CREB5: variants seen among roughly 807,000 people sequenced by gnomAD.
CREB5 encodes the protein cAMP responsive element binding protein 5.
A neutral mutation model predicts 57.1 loss-of-function variants in CREB5; 19 were observed. The ratio of observed to expected loss-of-function variants is 0.33; its 90% CI spans 0.23 to 0.49. CREB5 has a LOEUF of 0.49. Among genes scored for constraint, CREB5 ranks in the 20% least tolerant of loss-of-function variants. The pLI is 0.99. For missense variants in CREB5, 579 were observed against 671.6 expected, an observed-to-expected ratio of 0.86 and a Z score of 1.52; for synonymous variants, 238 against 238.3, an observed-to-expected ratio of 1.00 and a Z score of 0.01.
chr7:28,501,790 T>C (rs1792285207), intron 3 of CREB5, among the ~76,000 whole-genome samples: 1 of 152,210 alleles, frequency 6.6e-6, no homozygotes, highest in Non-Finnish European at 1.5e-5. Flanking sequence ...GGGTAGCTCA[T>C]GGTTGATCGT....
At chr7:28,566,394 G>GCAAA (rs1795479572) in intron 4 of CREB5, among the ~76,000 whole-genome samples, 3 of 152,174 alleles carry the variant, frequency 2.0e-5, no homozygotes, top group African/African-American at 7.2e-5. Context: ...AAGCAGCTTT[G>GCAAA]AGGAACACCT....
intron 1 of CREB5, among the ~76,000 whole-genome samples, chr7:28,344,818 T>C (rs1190127433): frequency 6.6e-6 from 1 of 152,112 alleles, no homozygotes; most frequent in Non-Finnish European, 1.5e-5. Flanking sequence ...AGGTAGAAGA[T>C]ATTCCATGCC....
chr7:28,538,950 G>T (rs779030262), intron 4 of CREB5, among the ~76,000 whole-genome samples: 1 of 152,190 alleles, frequency 6.6e-6, no homozygotes, highest in Non-Finnish European at 1.5e-5. Flanking sequence ...GTGATCAGGA[G>T]AATGTATTTA....
chr7:28,387,803 A>G (rs1311635724), intron 1 of CREB5, among the ~76,000 whole-genome samples: 1 of 152,116 alleles, frequency 6.6e-6, no homozygotes, highest in African/African-American at 2.4e-5. Flanking sequence ...CTGAACTTAA[A>G]ATGTTTTCAA....
chr7:28,407,976 G>A (rs1344964151), upstream of CREB5, among the ~76,000 whole-genome samples: 1 of 152,182 alleles, frequency 6.6e-6, no homozygotes, highest in Non-Finnish European at 1.5e-5. Flanking sequence ...TATTAACGAG[G>A]GCTAAACTGT....
intron 5 of CREB5, among the ~76,000 whole-genome samples, chr7:28,580,876 A>G (rs1283515527): frequency 6.6e-6 from 1 of 152,042 alleles, no homozygotes. Context: ...TGGGTTTCAT[A>G]CCCATTGAGC....
At chr7:28,461,089 G>C (rs575465952) in intron 1 of CREB5, among the ~76,000 whole-genome samples, 21 of 148,138 alleles carry the variant, frequency 1.4e-4, no homozygotes, top group African/African-American at 5.1e-4. Flanking sequence ...CAGGTTTGGT[G>C]GTGCCCACCT....
At chr7:28,429,347 T>A (rs1184255210) in intron 1 of CREB5, among the ~76,000 whole-genome samples, 1 of 152,156 alleles carries the variant, frequency 6.6e-6, no homozygotes, top group African/African-American at 2.4e-5. Context: ...AAATCCACAT[T>A]CCGACCAGAA....
intron 7 of CREB5, among the ~76,000 whole-genome samples, chr7:28,776,420 AT>A (rs540116941): frequency 2.6e-5 from 4 of 151,920 alleles, no homozygotes; most frequent in African/African-American, 9.7e-5. Context: ...AAAACTTTGA[AT>A]TTTTTTAGTT....
At chr7:28,538,121 T>C (rs1032967502) in intron 4 of CREB5, among the ~76,000 whole-genome samples, 2 of 152,204 alleles carry the variant, frequency 1.3e-5, no homozygotes, top group African/African-American at 4.8e-5. Flanking sequence ...TGGCGCGATC[T>C]CTGCTCACTG....
intron 7 of CREB5, among the ~76,000 whole-genome samples, chr7:28,777,071 A>T (rs1322865657): frequency 6.6e-6 from 1 of 152,188 alleles, no homozygotes; most frequent in Middle Eastern, 3.2e-3. Context: ...CTAGGAGTAG[A>T]ATTGCTGGGT....
chr7:28,510,642 T>A (rs1792667720), intron 4 of CREB5, among the ~76,000 whole-genome samples: 1 of 152,236 alleles, frequency 6.6e-6, no homozygotes, highest in Non-Finnish European at 1.5e-5. Flanking sequence ...TTGTACAGAC[T>A]CTGTCTCTAA....
intron 4 of CREB5, among the ~76,000 whole-genome samples, chr7:28,515,568 A>G (rs890386946): frequency 1.3e-5 from 2 of 151,686 alleles, no homozygotes; most frequent in Non-Finnish European, 2.9e-5. Flanking sequence ...ATACAAACTC[A>G]CCACCATGCC....
At chr7:28,318,832 A>G (rs1785432411) in intron 1 of CREB5, among the ~76,000 whole-genome samples, 1 of 152,250 alleles carries the variant, frequency 6.6e-6, no homozygotes, top group Admixed American at 6.5e-5. Context: ...CATCAAAATC[A>G]AATTGCTTAG....
At chr7:28,456,335 G>A (rs1790093079) in intron 1 of CREB5, among the ~76,000 whole-genome samples, 1 of 152,176 alleles carries the variant, frequency 6.6e-6, no homozygotes, top group South Asian at 2.1e-4. Flanking sequence ...TACACTCACA[G>A]CATATAAATT....
intron 6 of CREB5, among the ~76,000 whole-genome samples, chr7:28,720,540 G>A (rs1303838248): frequency 1.3e-5 from 2 of 152,288 alleles, no homozygotes; most frequent in African/African-American, 4.8e-5. Context: ...ATTTATCTAA[G>A]TATAGGCAGG....
chr7:28,462,705 A>G (rs1790398817), intron 1 of CREB5, among the ~76,000 whole-genome samples: 1 of 152,144 alleles, frequency 6.6e-6, no homozygotes, highest in South Asian at 2.1e-4. Flanking sequence ...TACCATTTGT[A>G]TATTTTCTGT....
Position 28,346,741 on chromosome 7 carries a change from G to A in CREB5, c.-25+47300G>A, listed in dbSNP as rs532382999. 5.3e-5 allele frequency among the ~76,000 whole-genome samples: 8 copies of A among 152,264 alleles called. No homozygotes were observed. In the East Asian group the frequency reaches 5.8e-4, roughly 11 times the overall value. ...GCAATTCTTAAAGGTGGTTAAGAGC[G>A]GAGGGCCATCTTCTGGCTGAGCTCC... On this transcript the variant is annotated intron_variant, in intron 1 of 9. Transcript: ENST00000396299.
intron 3 of CREB5, among the ~76,000 whole-genome samples, chr7:28,498,614 C>T (rs981074899): frequency 6.6e-6 from 1 of 152,106 alleles, no homozygotes; most frequent in Non-Finnish European, 1.5e-5. Context: ...TTTTGACATG[C>T]CACCAGGTAG....
Sources: gnomAD v4.1 joint callset for allele counts (sites outside exome capture counted in the v4.1 genomes callset) on GRCh38, gnomAD v4.1.1 for gene constraint, MANE v1.5 for transcripts, NCBI Gene and HGNC (gene_info 2026-07-23, HGNC 2026-07-21) for gene names.